Variants in KIAA1328 observed in about 807,000 individuals in gnomAD.
KIAA1328 encodes protein hinderin.
A neutral mutation model predicts 68.1 loss-of-function variants in KIAA1328; 52 were observed. The observed-to-expected ratio is 0.76, with a 90% confidence interval of 0.61 to 0.96. KIAA1328 has a LOEUF of 0.96. Among genes scored for constraint, KIAA1328 ranks in the 40% least tolerant of loss-of-function variants. The probability of loss-of-function intolerance (pLI) is 0.00; values close to 1 mark genes in which losing one functional copy is unlikely to be tolerated. For synonymous variants in KIAA1328, 232 were observed against 239.4 expected (o/e 0.97, Z 0.28); for missense variants, 641 against 677.6 (o/e 0.95, Z 0.60).
Position 37,067,397 on chromosome 18 carries a change from A to G in KIAA1328, c.1084A>G (p.Ile362Val), listed in dbSNP as rs762221829. 1.9e-6 allele frequency: 3 copies of G among 1,612,578 alleles called. No homozygotes were observed. The highest frequency in any genetic ancestry group is 1.7e-6 in the Non-Finnish European group (2 of 1,179,260). The change falls in exon 7 of 10, where the codon ATC (isoleucine) becomes GTC (valine). Residue 362 changes from isoleucine to valine, a missense_variant. Ile to Val is a conservative substitution (Grantham distance 29). Transcript: ENST00000280020. ...ACCCATTGAAACTTTGAAAAAGCAG[A>G]TCTCAGAAGATAGAAAGCAGCAACT... Reference protein sequence around the residue: ...LQPIETLKKQISEDRKQQLML... With the variant: ...LQPIETLKKQVSEDRKQQLML...
chr18:36,889,405 A>G (rs913882745), intron 5 of KIAA1328, among the ~76,000 whole-genome samples: 7 of 152,250 alleles, frequency 4.6e-5, no homozygotes, highest in Admixed American at 4.6e-4. Context: ...AGCTAATTGT[A>G]TTTCTAGAAC....
chr18:36,850,730 A>G (rs536729294), intron 4 of KIAA1328, among the ~76,000 whole-genome samples: 9 of 152,234 alleles, frequency 5.9e-5, no homozygotes, highest in African/African-American at 1.9e-4. Context: ...ACTAACGCCT[A>G]TACAGTGTGG....
At chr18:37,098,437 G>T (rs1319362807) in intron 7 of KIAA1328, among the ~76,000 whole-genome samples, 1 of 152,194 alleles carries the variant, frequency 6.6e-6, no homozygotes, top group African/African-American at 2.4e-5. Context: ...CTTGATCATG[G>T]TGGATAAGCT....
chr18:37,204,365 A>G (rs2060176051), intron 9 of KIAA1328, among the ~76,000 whole-genome samples: 1 of 152,240 alleles, frequency 6.6e-6, no homozygotes, highest in Admixed American at 6.5e-5. Context: ...TGAACTTGAA[A>G]AGTATTTGGG....
At chr18:36,968,924 A>G (rs543408235) in intron 6 of KIAA1328, among the ~76,000 whole-genome samples, 79 of 152,344 alleles carry the variant, frequency 5.2e-4, no homozygotes, top group African/African-American at 1.9e-3. Flanking sequence ...AACCAAAATC[A>G]TATATTAGCT....
At chr18:37,136,880 T>C (rs953001828) in intron 7 of KIAA1328, among the ~76,000 whole-genome samples, 1 of 152,222 alleles carries the variant, frequency 6.6e-6, no homozygotes, top group Non-Finnish European at 1.5e-5. Flanking sequence ...AAGGTCTTTG[T>C]AGGATTTGAG....
Position 36,848,202 on chromosome 18 carries a change from A to T in KIAA1328, c.332+3900A>T, listed in dbSNP as rs973203876. Among the ~76,000 whole-genome samples, 16 of 151,772 alleles carry T rather than the reference A, an allele frequency of 1.1e-4. No individual in the cohort carries two copies. The East Asian group carries it at 2.1e-3, about 20-fold the overall frequency. On this transcript the variant is annotated intron_variant, in intron 4 of 9. Coordinates refer to ENST00000280020, the MANE Select transcript of KIAA1328 (RefSeq NM_020776.3). The stretch of plus-strand genomic sequence containing the variant: ...TTATCGAGTCTTTCAATTTACAAAA[A>T]GTTATCTATTAAGTATTTAAATTTT...
chr18:36,909,149 A>G (rs2049331993), intron 5 of KIAA1328, among the ~76,000 whole-genome samples: 1 of 152,116 alleles, frequency 6.6e-6, no homozygotes, highest in Admixed American at 6.5e-5. Flanking sequence ...TTTTATTATT[A>G]TACTTCAAGT....
intron 6 of KIAA1328, among the ~76,000 whole-genome samples, chr18:37,010,441 TAAAAAAAAAAAAAAAAAA>T (rs59927777): frequency 1.1e-5 from 1 of 90,308 alleles, no homozygotes; most frequent in African/African-American, 5.3e-5. Flanking sequence ...AGACACCATC[TAAAAAAAAAAAAAAAAAA>T]AAAAAAAAAA....
intron 7 of KIAA1328, among the ~76,000 whole-genome samples, chr18:37,148,799 AC>A (rs2058964132): frequency 6.6e-6 from 1 of 152,188 alleles, no homozygotes; most frequent in South Asian, 2.1e-4. Flanking sequence ...TCCTTTGCCC[AC>A]TTTTTAATGG....
chr18:37,037,249 AG>A (rs1348410118), intron 6 of KIAA1328, among the ~76,000 whole-genome samples: 1 of 152,158 alleles, frequency 6.6e-6, no homozygotes, highest in East Asian at 1.9e-4. Context: ...ATAAAGTTGG[AG>A]GGTGGCTCTC....
At chr18:37,063,100 A>G (rs1370957217) in intron 6 of KIAA1328, among the ~76,000 whole-genome samples, 3 of 150,916 alleles carry the variant, frequency 2.0e-5, no homozygotes, top group Non-Finnish European at 2.9e-5. Flanking sequence ...GGTTTGTTAC[A>G]TATGTATACA....
chr18:37,099,176 A>G (rs1489616222), intron 7 of KIAA1328, among the ~76,000 whole-genome samples: 3 of 152,082 alleles, frequency 2.0e-5, no homozygotes, highest in South Asian at 2.1e-4. Context: ...TAGGATGTCA[A>G]TTTTAGATCT....
chr18:36,970,088 A>G (rs1376922702), intron 6 of KIAA1328, among the ~76,000 whole-genome samples: 4 of 152,212 alleles, frequency 2.6e-5, no homozygotes, highest in Non-Finnish European at 5.9e-5. Context: ...ATCCAATAGC[A>G]CATTAAAAAG....
intron 3 of KIAA1328, among the ~76,000 whole-genome samples, chr18:36,839,998 C>G (rs979886019): frequency 2.6e-5 from 4 of 152,168 alleles, no homozygotes; most frequent in African/African-American, 9.7e-5. Flanking sequence ...CTGGAGCTCT[C>G]CTATGCAGCT....
chr18:36,842,484 G>A (rs2150800257), intron 3 of KIAA1328, among the ~76,000 whole-genome samples: 1 of 152,280 alleles, frequency 6.6e-6, no homozygotes, highest in South Asian at 2.1e-4. Flanking sequence ...TGTTTCCAGA[G>A]TCTTAGACTT....
chr18:36,958,002 C>A (rs1397764233), intron 5 of KIAA1328, among the ~76,000 whole-genome samples: 1 of 152,096 alleles, frequency 6.6e-6, no homozygotes, highest in Non-Finnish European at 1.5e-5. Context: ...TAATCTATTT[C>A]TGTCTGTATA....
At chr18:36,889,484 T>G (rs998869656) in intron 5 of KIAA1328, among the ~76,000 whole-genome samples, 6 of 152,192 alleles carry the variant, frequency 3.9e-5, no homozygotes, top group Admixed American at 2.0e-4. Context: ...GTCTAATGTT[T>G]GCTGACTTCA....
chr18:36,971,840 C>T (rs1450863064), intron 6 of KIAA1328, among the ~76,000 whole-genome samples: 1 of 152,014 alleles, frequency 6.6e-6, no homozygotes, highest in Non-Finnish European at 1.5e-5. Flanking sequence ...GAACAACAGA[C>T]ACTGAAGCCT....
Sources: allele counts gnomAD v4.1 joint callset (sites outside exome capture counted in the v4.1 genomes callset), GRCh38; gene constraint gnomAD v4.1.1; transcripts MANE v1.5; gene names NCBI Gene and HGNC (gene_info 2026-07-23, HGNC 2026-07-21).